COMMD1: variants seen among roughly 807,000 people sequenced by gnomAD.
COMMD1 encodes copper metabolism domain containing 1.
Under a neutral mutation model 17.2 loss-of-function variants are expected in COMMD1, and 10 were observed. The observed-to-expected ratio is 0.58, with a 90% CI of 0.36 to 0.99. The LOEUF is 0.99. COMMD1 is among the 50% of genes least tolerant of loss of function. The probability of loss-of-function intolerance (pLI) is 0.01; values close to 1 mark genes in which losing one functional copy is unlikely to be tolerated. For missense variants in COMMD1, 270 were observed against 231.8 expected (o/e 1.17, Z -1.07); for synonymous variants, 97 against 91.6 (o/e 1.06, Z -0.34).
chr2:61,908,847 G>A (rs1260070847), intron 1 of COMMD1, among the ~76,000 whole-genome samples: 6 of 152,046 alleles, frequency 3.9e-5, no homozygotes, highest in Admixed American at 3.3e-4. Flanking sequence ...GATTACAGGC[G>A]TGAGCCACTG....
chr2:62,005,286 G>T (rs1669079012), intron 2 of COMMD1, among the ~76,000 whole-genome samples: 1 of 152,148 alleles, frequency 6.6e-6, no homozygotes, highest in African/African-American at 2.4e-5. Flanking sequence ...TTGGCATATT[G>T]CTTGTACTTG....
intron 2 of COMMD1, among the ~76,000 whole-genome samples, chr2:62,013,573 T>C (rs1413661684): frequency 6.6e-6 from 1 of 152,206 alleles, no homozygotes; most frequent in East Asian, 1.9e-4. Context: ...CTTACTGGGC[T>C]CTCACAGTGG....
In COMMD1 at chr2:61,919,048, G is replaced by A. The variant is rs187201032; in HGVS notation, c.180+13190G>A. ...TCTTTTGAGATGGAGTTTTGCTCTTGTTGCCCAGGCTGGAGTGCAATGGTG... is the reference window on the plus strand; with the variant it reads ...TCTTTTGAGATGGAGTTTTGCTCTTATTGCCCAGGCTGGAGTGCAATGGTG... On this transcript the variant is annotated intron_variant, in intron 1 of 2. Coordinates refer to ENST00000311832, the MANE Select transcript of COMMD1 (RefSeq NM_152516.4). 6.6e-5 allele frequency among the ~76,000 whole-genome samples: 10 copies of A among 151,884 alleles called. No homozygotes were observed. In the East Asian group the frequency reaches 1.9e-3, roughly 29 times the overall value.
intron 2 of COMMD1, among the ~76,000 whole-genome samples, chr2:62,049,928 C>T (rs1370540286): frequency 6.6e-6 from 1 of 152,108 alleles, no homozygotes; most frequent in Non-Finnish European, 1.5e-5. Context: ...TATCTGTTGT[C>T]AGTTTTACTG....
intron 1 of COMMD1, among the ~76,000 whole-genome samples, chr2:61,989,354 C>G (rs1478064953): frequency 2.0e-5 from 3 of 152,126 alleles, no homozygotes; most frequent in Non-Finnish European, 2.9e-5. Context: ...TGTATAATGA[C>G]ATGCATCTGG....
intron 2 of COMMD1, among the ~76,000 whole-genome samples, chr2:62,053,053 C>G (rs1320684965): frequency 6.6e-6 from 1 of 152,164 alleles, no homozygotes; most frequent in African/African-American, 2.4e-5. Context: ...GCACTCCAGC[C>G]TAGGTGACAG....
intron 2 of COMMD1, among the ~76,000 whole-genome samples, chr2:62,024,717 A>G (rs1488019914): frequency 6.6e-6 from 1 of 152,208 alleles, no homozygotes; most frequent in Non-Finnish European, 1.5e-5. Flanking sequence ...TTATTTTGAA[A>G]ATTCAGAATA....
intron 1 of COMMD1, among the ~76,000 whole-genome samples, chr2:61,891,709 C>T (rs140847613): frequency 6.6e-6 from 1 of 151,640 alleles, no homozygotes; most frequent in South Asian, 2.1e-4. Flanking sequence ...GCCTGGGCGA[C>T]AGAGTGAGAC....
At chr2:62,024,009 A>G (rs984230922) in intron 2 of COMMD1, among the ~76,000 whole-genome samples, 7 of 152,248 alleles carry the variant, frequency 4.6e-5, no homozygotes, top group Non-Finnish European at 1.0e-4. Context: ...TTGCATACAT[A>G]GTATAATCTA....
intron 2 of COMMD1, among the ~76,000 whole-genome samples, chr2:62,012,126 A>G (rs1669294875): frequency 6.6e-6 from 1 of 151,864 alleles, no homozygotes; most frequent in Non-Finnish European, 1.5e-5. Flanking sequence ...GTGTGGTGGC[A>G]TGCACCTGTA....
intron 2 of COMMD1, among the ~76,000 whole-genome samples, chr2:62,131,096 C>T (rs930633716): frequency 6.6e-6 from 1 of 152,120 alleles, no homozygotes; most frequent in Non-Finnish European, 1.5e-5. Flanking sequence ...AATCCTCTCA[C>T]GGATTTTGTC....
Position 61,996,587 on chromosome 2 carries a change from CCTG to C in COMMD1, c.181-4105_181-4103del, listed in dbSNP as rs548494516. On this transcript the variant is annotated intron_variant, in intron 1 of 2. Coordinates refer to ENST00000311832, the MANE Select transcript of COMMD1 (RefSeq NM_152516.4). ...CAAATTGGAGTCAGTTCTCTCCAAC[CCTG>C]CTGCTGCTTTATCAACTAAGTTTCT... Among the ~76,000 whole-genome samples the C allele has an allele frequency of 2.7e-3, 409 of 152,248 alleles. 1 individual carries two copies. Among genetic ancestry groups the C allele is most frequent in the Non-Finnish European group, 4.8e-3 (328 of 68,028 alleles).
intron 1 of COMMD1, among the ~76,000 whole-genome samples, chr2:61,948,045 TATAAA>T (rs1434472950): frequency 6.6e-6 from 1 of 152,142 alleles, no homozygotes; most frequent in African/African-American, 2.4e-5. Context: ...AAAGTATACA[TATAAA>T]ATAAATGTCT....
intron 2 of COMMD1, among the ~76,000 whole-genome samples, chr2:62,110,735 G>C (rs1672434722): frequency 6.6e-6 from 1 of 151,878 alleles, no homozygotes; most frequent in Non-Finnish European, 1.5e-5. Flanking sequence ...TGTAGTATGA[G>C]GGAGGAAAAA....
At chr2:62,087,469 G>A (rs557367651) in intron 2 of COMMD1, among the ~76,000 whole-genome samples, 28 of 152,274 alleles carry the variant, frequency 1.8e-4, no homozygotes, top group African/African-American at 6.3e-4. Flanking sequence ...GATAAGTGGG[G>A]GCATGGTGGC....
intron 2 of COMMD1, among the ~76,000 whole-genome samples, chr2:62,113,414 T>C (rs1314287527): frequency 6.6e-6 from 1 of 152,196 alleles, no homozygotes; most frequent in Non-Finnish European, 1.5e-5. Context: ...TTATGGTTTT[T>C]ATTTTTATTT....
intron 2 of COMMD1, among the ~76,000 whole-genome samples, chr2:62,087,323 C>T (rs535642588): frequency 2.8e-4 from 43 of 152,278 alleles, no homozygotes; most frequent in Admixed American, 8.5e-4. Flanking sequence ...CAAAGAAAGA[C>T]CTGAATGCAA....
chr2:61,895,134 T>C (rs572234458), intron 1 of COMMD1, among the ~76,000 whole-genome samples: 3 of 152,188 alleles, frequency 2.0e-5, no homozygotes, highest in Admixed American at 6.5e-5. Flanking sequence ...GGGTAACTTA[T>C]GGAATAAGAG....
At chr2:61,944,850 A>C (rs1670866082) in intron 1 of COMMD1, among the ~76,000 whole-genome samples, 1 of 152,016 alleles carries the variant, frequency 6.6e-6, no homozygotes, top group Non-Finnish European at 1.5e-5. Context: ...TTTTTTTGGC[A>C]GCAAAGATGG....
Sources: gnomAD v4.1 joint callset for allele counts (sites outside exome capture counted in the v4.1 genomes callset) on GRCh38, gnomAD v4.1.1 for gene constraint, MANE v1.5 for transcripts, NCBI Gene and HGNC (gene_info 2026-07-23, HGNC 2026-07-21) for gene names.